The following DMD variants were observed in gnomAD, a reference collection of about 807,000 sequenced individuals.
The protein encoded by DMD is dystrophin.
Under a neutral mutation model 330.1 loss-of-function variants are expected in DMD, and 63 were observed. That is an observed-to-expected ratio of 0.19 (90% CI 0.16 to 0.24). The LOEUF (loss-of-function observed/expected upper bound fraction) is 0.24, where lower values mean the gene tolerates loss of function less well. DMD is among the 10% of genes least tolerant of loss of function. The probability of loss-of-function intolerance (pLI) is 1.00; values close to 1 mark genes in which losing one functional copy is unlikely to be tolerated. For missense variants in DMD, 3,344 were observed against 2,684.1 expected, an observed-to-expected ratio of 1.25 and a Z score of -5.43; for synonymous variants, 1,223 against 959.8, an observed-to-expected ratio of 1.27 and a Z score of -5.07.
chrX:31,888,333 G>A (rs2094185540), intron 47 of DMD, among the ~76,000 whole-genome samples: 1 of 111,126 alleles, frequency 9.0e-6, no homozygotes, highest in Non-Finnish European at 1.9e-5. Context: ...TATTGCTTCT[G>A]TAGTTGACTG....
intron 41 of DMD, among the ~76,000 whole-genome samples, chrX:32,338,579 C>T (rs1400904981): frequency 2.7e-5 from 3 of 111,302 alleles, no homozygotes; most frequent in Non-Finnish European, 5.7e-5. Context: ...ATCCTCTTAT[C>T]TCTATTTTCT....
intron 52 of DMD, among the ~76,000 whole-genome samples, chrX:31,701,554 C>T (rs1163929342): frequency 9.0e-6 from 1 of 111,716 alleles, no homozygotes; most frequent in African/African-American, 3.3e-5. Context: ...GAAGTGATTC[C>T]ATCTTTTACC....
At chrX:32,584,434 A>C (rs189113764) in intron 13 of DMD, among the ~76,000 whole-genome samples, 2 of 112,188 alleles carry the variant, frequency 1.8e-5, no homozygotes, top group Non-Finnish European at 3.8e-5. Flanking sequence ...TAAATACCTA[A>C]TACAAAAGTT....
At chrX:32,135,547 A>T (rs1302270213) in intron 44 of DMD, among the ~76,000 whole-genome samples, 1 of 111,276 alleles carries the variant, frequency 9.0e-6, no homozygotes, top group African/African-American at 3.3e-5. Flanking sequence ...ATGGTGAAAC[A>T]CCATCTCTAA....
intron 2 of DMD, among the ~76,000 whole-genome samples, chrX:32,968,266 G>A (rs565599488): frequency 1.9e-5 from 2 of 105,696 alleles, no homozygotes; most frequent in African/African-American, 6.9e-5. Context: ...TTTTTTTTCT[G>A]ACAGTGATTT....
At chrX:33,303,202 G>A (rs1051550066) in intron 1 of DMD, among the ~76,000 whole-genome samples, 31 of 111,505 alleles carry the variant, frequency 2.8e-4, no homozygotes, top group African/African-American at 8.5e-4. Context: ...TGGCAATGAT[G>A]AATAAAGCTG....
chrX:32,463,345 C>G, intron 25 of DMD, 94 bp downstream of exon 25: 4 of 876,708 alleles, frequency 4.6e-6, no homozygotes, highest in Non-Finnish European at 6.2e-6. Flanking sequence ...AACATAGGAA[C>G]AAAGCCTTAA....
chrX:31,781,386 C>A (rs1205665521), intron 50 of DMD, among the ~76,000 whole-genome samples: 1 of 111,987 alleles, frequency 8.9e-6, no homozygotes, highest in East Asian at 2.8e-4. Context: ...CTTCTAAGAG[C>A]TATAGCTTAT....
intron 7 of DMD, among the ~76,000 whole-genome samples, chrX:32,735,694 A>G (rs1163622326): frequency 3.8e-4 from 43 of 111,769 alleles, no homozygotes; most frequent in Admixed American, 1.9e-3. Context: ...AAATGGTGCT[A>G]GGAAAACTGG....
intron 9 of DMD, among the ~76,000 whole-genome samples, chrX:32,649,559 TAAAAAA>T (rs1161462889): frequency 1.8e-5 from 1 of 54,279 alleles, no homozygotes; most frequent in African/African-American, 1.2e-4. Context: ...CCGTCTCTTT[TAAAAAA>T]AAAAAAAAAA....
intron 53 of DMD, among the ~76,000 whole-genome samples, chrX:31,671,426 T>C (rs899650828): frequency 1.8e-5 from 2 of 112,495 alleles, no homozygotes; most frequent in African/African-American, 6.5e-5. Flanking sequence ...GTAGCAATCA[T>C]GTTAATATGT....
At chrX:33,205,160 T>TA (rs1336777363) in intron 1 of DMD, among the ~76,000 whole-genome samples, 6 of 112,752 alleles carry the variant, frequency 5.3e-5, no homozygotes, top group Admixed American at 2.8e-4. Flanking sequence ...CTTTAAAGTC[T>TA]AATTTCCCTT....
At chrX:32,756,291 G>A (rs2071494767) in intron 7 of DMD, 1 of 111,938 alleles carries the variant, frequency 8.9e-6, no homozygotes, top group Admixed American at 9.5e-5. Context: ...TCATATTTCA[G>A]CAGCTTCAAT....
intron 7 of DMD, among the ~76,000 whole-genome samples, chrX:32,735,789 GT>G (rs2068382376): frequency 9.0e-6 from 1 of 111,621 alleles, no homozygotes; most frequent in Non-Finnish European, 1.9e-5. Context: ...AAACTTAAAC[GT>G]TAGACCTAAA....
chrX:32,520,909 T>C (rs926625360), intron 17 of DMD, among the ~76,000 whole-genome samples: 3 of 107,349 alleles, frequency 2.8e-5, no homozygotes, highest in Non-Finnish European at 5.8e-5. Context: ...TAAAACCTTT[T>C]ATCAAAGCTC....
intron 37 of DMD, among the ~76,000 whole-genome samples, chrX:32,349,339 A>G (rs1176827186): frequency 1.8e-5 from 2 of 111,107 alleles, no homozygotes; most frequent in Non-Finnish European, 3.8e-5. Context: ...ATACATTGAT[A>G]CTCTCTCAAT....
chrX:31,796,863 GGC>G (rs2149333494), intron 50 of DMD, among the ~76,000 whole-genome samples: 1 of 110,814 alleles, frequency 9.0e-6, no homozygotes, highest in South Asian at 3.9e-4. Context: ...ATAACAGCCT[GGC>G]ACTTCCCCTC....
intron 2 of DMD, among the ~76,000 whole-genome samples, chrX:32,985,545 G>C (rs1293104294): frequency 9.0e-6 from 1 of 111,252 alleles, no homozygotes; most frequent in Non-Finnish European, 1.9e-5. Flanking sequence ...ATCATATTTA[G>C]AATCCAAGTT....
chrX:33,269,708 GGTTT>G (rs1334625463), intron 1 of DMD, among the ~76,000 whole-genome samples: 2 of 110,829 alleles, frequency 1.8e-5, no homozygotes, highest in African/African-American at 6.6e-5. Context: ...AATACAATGT[GGTTT>G]GTTTAGTAGT....
Sources: allele counts gnomAD v4.1 joint callset (sites outside exome capture counted in the v4.1 genomes callset), GRCh38; gene constraint gnomAD v4.1.1; transcripts MANE v1.5; gene names NCBI Gene and HGNC (gene_info 2026-07-23, HGNC 2026-07-21).